Variants in DYNC2I1 observed in about 807,000 individuals in gnomAD.
DYNC2I1 encodes the protein cytoplasmic dynein 2 intermediate chain 1.
DYNC2I1 carries 89 observed loss-of-function variants against 133.4 expected under a neutral mutation model. The ratio of observed to expected loss-of-function variants is 0.67; its 90% CI spans 0.56 to 0.80. The LOEUF is 0.80. Ranked by LOEUF, DYNC2I1 falls within the 30% of genes least tolerant of loss-of-function variation. The pLI is 0.00. For synonymous variants in DYNC2I1, 504 were observed against 484.3 expected, an observed-to-expected ratio of 1.04 and a Z score of -0.54; for missense variants, 1,291 against 1,314.5, an observed-to-expected ratio of 0.98 and a Z score of 0.28.
chr7:158,848,854 C>T, the DYNC2I1 span, among the ~76,000 whole-genome samples: 484 of 151,530 alleles, frequency 3.2e-3, 9 homozygotes, highest in African/African-American at 0.011. Flanking sequence ...AATCGCGAGG[C>T]AGAGCTTGCA....
chr7:158,927,875 G>A (rs11976751), intron 20 of DYNC2I1, among the ~76,000 whole-genome samples: 2,272 of 152,212 alleles, frequency 0.015, 59 homozygotes, highest in African/African-American at 0.051. Flanking sequence ...ATCTTAGTAG[G>A]GTTTAATGAG....
chr7:158,861,472 A>G (rs901579919), intron 1 of DYNC2I1, among the ~76,000 whole-genome samples: 1 of 152,168 alleles, frequency 6.6e-6, no homozygotes, highest in Admixed American at 6.6e-5. Flanking sequence ...CAGTTACTGA[A>G]TGAAATCTAT....
rs370048361 is a variant in DYNC2I1 at position 158,911,606 on chromosome 7, C to G, written c.1517C>G (p.Ser506Cys). The change falls in exon 12 of 25, where the codon TCT becomes TGT. Residue 506 changes from serine to cysteine, a missense_variant. Ser to Cys is a moderately radical substitution (Grantham distance 112). Coordinates refer to ENST00000407559, the MANE Select transcript of DYNC2I1 (RefSeq NM_018051.5). ...LIDLDFSFTF[S>C]LLDLPPVNEY... ...GACTTAGATTTTTCATTTACTTTCT[C>G]TCTCTTGGATCTACCACCAGTAAAT... The G allele has an allele frequency of 4.3e-6, 7 of 1,613,606 alleles. No homozygotes were observed. Among genetic ancestry groups the G allele is most frequent in the South Asian group, 1.1e-5 (1 of 90,998 alleles).
At chr7:158,908,272 T>A (rs1437990363) in intron 11 of DYNC2I1, among the ~76,000 whole-genome samples, 1 of 151,432 alleles carries the variant, frequency 6.6e-6, no homozygotes, top group Admixed American at 6.6e-5. Flanking sequence ...AAATTCCAAA[T>A]GGATTTAAAA....
intron 8 of DYNC2I1, among the ~76,000 whole-genome samples, chr7:158,897,376 G>GT (rs1845852978): frequency 6.6e-6 from 1 of 152,168 alleles, no homozygotes; most frequent in South Asian, 2.1e-4. Flanking sequence ...GCTGGGCCTT[G>GT]TGTTTTCTTT....
In DYNC2I1 at chr7:158,902,502, G is replaced by C; in HGVS notation, c.1264G>C (p.Ala422Pro). ...QKKEIQEIQR[A>P]INAENERIGE... ...AAAGGAAATACAAGAAATTCAAAGA[G>C]CTATTAATGCAGAAAATGAAAGGAT... The change falls in exon 10 of 25, where the codon GCT (alanine) becomes CCT (proline). Residue 422 changes from alanine to proline, a missense_variant. Coordinates refer to ENST00000407559, the MANE Select transcript of DYNC2I1 (RefSeq NM_018051.5). 4 of 1,614,016 alleles carry C rather than the reference G, an allele frequency of 2.5e-6. No individual in the cohort carries two copies. Among genetic ancestry groups the C allele is most frequent in the Non-Finnish European group, 2.5e-6 (3 of 1,179,888 alleles).
intron 11 of DYNC2I1, among the ~76,000 whole-genome samples, chr7:158,909,330 C>CA (rs66565045): frequency 0.1 from 4,649 of 46,252 alleles, 431 homozygotes; most frequent in African/African-American, 0.15. Flanking sequence ...GACTCTGTCT[C>CA]AAAAAAAAAA....
At chr7:158,908,861 A>G (rs902977114) in intron 11 of DYNC2I1, among the ~76,000 whole-genome samples, 1 of 152,178 alleles carries the variant, frequency 6.6e-6, no homozygotes, top group Non-Finnish European at 1.5e-5. Flanking sequence ...TTTCTCTTAC[A>G]TTATTCCCCA....
the DYNC2I1 span, among the ~76,000 whole-genome samples, chr7:158,840,719 G>A: frequency 1.3e-5 from 2 of 152,254 alleles, no homozygotes; most frequent in Non-Finnish European, 2.9e-5. Flanking sequence ...ATGGGCCCCA[G>A]TGGGGGAGGT....
chr7:158,932,026 C>T (rs1272402529), intron 21 of DYNC2I1, among the ~76,000 whole-genome samples: 1 of 152,064 alleles, frequency 6.6e-6, no homozygotes, highest in South Asian at 2.1e-4. Context: ...GTCCCACGGC[C>T]AACTCCCCAG....
At chr7:158,853,834 G>GT (rs1405213352), upstream of DYNC2I1, among the ~76,000 whole-genome samples, 3 of 151,854 alleles carry the variant, frequency 2.0e-5, no homozygotes, top group Non-Finnish European at 4.4e-5. Flanking sequence ...TGTATTTTTA[G>GT]TAGAGACGGG....
intron 19 of DYNC2I1, 75 bp downstream of exon 19, chr7:158,926,538 G>A (rs751316299): frequency 2.8e-5 from 42 of 1,498,130 alleles, no homozygotes; most frequent in East Asian, 2.6e-4. Context: ...CCTGAATGGC[G>A]CAGGGGGCGG....
intron 14 of DYNC2I1, among the ~76,000 whole-genome samples, chr7:158,914,984 C>T (rs940623176): frequency 9.9e-5 from 15 of 152,254 alleles, no homozygotes; most frequent in African/African-American, 3.6e-4. Context: ...TCATCACTTT[C>T]TTGTATGTAA....
intron 8 of DYNC2I1, among the ~76,000 whole-genome samples, chr7:158,899,450 A>G (rs895129693): frequency 1.3e-4 from 20 of 152,198 alleles, no homozygotes; most frequent in Admixed American, 1.2e-3. Flanking sequence ...GAAAAGGAAG[A>G]GTTATTTCCC....
chr7:158,905,968 G>A, intron 10 of DYNC2I1, 21 bp from the exon 11 acceptor site: 6 of 1,585,698 alleles, frequency 3.8e-6, no homozygotes, highest in Non-Finnish European at 5.2e-6. Flanking sequence ...TGGAAAAATA[G>A]TGTTTTTCTC....
At chr7:158,955,715 A>G (rs930431277) in intron 4 of DYNC2I1, among the ~76,000 whole-genome samples, 1 of 152,294 alleles carries the variant, frequency 6.6e-6, no homozygotes, top group East Asian at 1.9e-4. Flanking sequence ...AGGGCCCGTG[A>G]GTTCCCCACA....
intron 21 of DYNC2I1, among the ~76,000 whole-genome samples, 151 bp downstream of exon 21, chr7:158,930,666 T>C (rs1032667441): frequency 1.3e-5 from 2 of 152,146 alleles, no homozygotes; most frequent in Non-Finnish European, 2.9e-5. Flanking sequence ...AGTCTATTAT[T>C]TTTATTTTTT....
At chr7:158,880,061 C>T (rs530271055) in intron 5 of DYNC2I1, 72 bp downstream of exon 5, 80 of 1,507,352 alleles carry the variant, frequency 5.3e-5, no homozygotes, top group Middle Eastern at 1.9e-4. Context: ...GCTTACCGGG[C>T]GGTGTCGCCA....
chr7:158,855,781 G>A (rs368452074), upstream of DYNC2I1, among the ~76,000 whole-genome samples: 6 of 152,196 alleles, frequency 3.9e-5, no homozygotes, highest in African/African-American at 1.4e-4. Context: ...GAAGGAGTTC[G>A]GAGGTCCTGA....
Sources: gnomAD v4.1 joint callset for allele counts (sites outside exome capture counted in the v4.1 genomes callset) on GRCh38, gnomAD v4.1.1 for gene constraint, MANE v1.5 for transcripts, NCBI Gene and HGNC (gene_info 2026-07-23, HGNC 2026-07-21) for gene names.